The following MGAT5B variants were observed in gnomAD, a reference collection of about 807,000 sequenced individuals.
The protein encoded by MGAT5B is N-acetylglucosaminyl-transferase Vb.
In MGAT5B, 54 loss-of-function variants were observed where a neutral mutation model predicts 95.1. The observed-to-expected ratio is 0.57, with a 90% CI of 0.46 to 0.71. The LOEUF is 0.71. Ranked by LOEUF, MGAT5B falls within the 30% of genes least tolerant of loss-of-function variation. The pLI, the probability that MGAT5B is intolerant of heterozygous loss-of-function variation, is 0.00. For synonymous variants in MGAT5B, 464 were observed against 451.0 expected (o/e 1.03, Z -0.36); for missense variants, 935 against 1,088.6 (o/e 0.86, Z 1.99).
chr17:76,936,078 G>C (rs1969659000), intron 12 of MGAT5B, among the ~76,000 whole-genome samples: 1 of 151,250 alleles, frequency 6.6e-6, no homozygotes, highest in Admixed American at 6.6e-5. Context: ...TGGGTTACAG[G>C]CATGAGCCAC....
At chr17:76,873,021 G>GGAA in intron 2 of MGAT5B, 58 bp downstream of exon 2, 6 of 1,584,022 alleles carry the variant, frequency 3.8e-6, no homozygotes, top group Non-Finnish European at 4.3e-6. Context: ...GGGTCAAAGA[G>GGAA]GAAGTGCCTC....
In MGAT5B at chr17:76,933,301, T is replaced by C; in HGVS notation, c.1428+4T>C. ...CCTGGCCACGAGGCAGCTCCAGGTA[T>C]GGAAACCGCTTGCCGCCTGCCCCCT... On this transcript the variant is annotated splice_donor_region_variant and intron_variant, in intron 12 of 17. Transcript: ENST00000569840. The C allele has an allele frequency of 2.5e-6, 4 of 1,598,328 alleles. No individual in the cohort carries two copies. Among genetic ancestry groups the C allele is most frequent in the Non-Finnish European group, 3.4e-6 (4 of 1,179,744 alleles).
intron 2 of MGAT5B, among the ~76,000 whole-genome samples, chr17:76,881,465 AG>A (rs1285270090): frequency 6.6e-6 from 1 of 152,168 alleles, no homozygotes; most frequent in African/African-American, 2.4e-5. Flanking sequence ...AGATGGAGTT[AG>A]GGCCCAGAGG....
At chr17:76,933,500 A>AG (rs1969560944) in intron 12 of MGAT5B, among the ~76,000 whole-genome samples, 1 of 152,144 alleles carries the variant, frequency 6.6e-6, no homozygotes, top group African/African-American at 2.4e-5. Context: ...CCTCTGTCAC[A>AG]GGGAGGCAAG....
rs525503 is a variant in MGAT5B at position 76,906,993 on chromosome 17, A to G, written c.1025+806A>G. Among the ~76,000 whole-genome samples the G allele has an allele frequency of 0.14, 20,535 of 151,706 alleles. 1,814 individuals are homozygous for G. Among genetic ancestry groups the G allele is most frequent in the African/African-American group, 0.22 (9,214 of 41,304 alleles). ...CTGGGTTTGCCTGAGAGTGTCTGCC[A>G]ATCTCTCTGCCTCCTCCCCAGATGA... On this transcript the variant is annotated intron_variant, in intron 8 of 17. Coordinates refer to ENST00000569840, the MANE Select transcript of MGAT5B (RefSeq NM_001199172.2). This position sits in a 1 kb window ranked among gnomAD's most constrained non-coding sequence, Gnocchi z 4.6.
intron 3 of MGAT5B, among the ~76,000 whole-genome samples, chr17:76,897,466 A>G (rs1307648256): frequency 6.6e-6 from 1 of 152,136 alleles, no homozygotes; most frequent in Admixed American, 6.5e-5. Context: ...GGATGCTGGC[A>G]GTGCCTGGCC....
At chr17:76,878,536 G>A (rs756317949) in intron 2 of MGAT5B, among the ~76,000 whole-genome samples, 2 of 152,260 alleles carry the variant, frequency 1.3e-5, no homozygotes, top group East Asian at 1.9e-4. Flanking sequence ...GTGCAGTGGT[G>A]CAATCGTGGC....
intron 3 of MGAT5B, among the ~76,000 whole-genome samples, chr17:76,888,063 T>G (rs1393808099): frequency 6.6e-6 from 1 of 152,046 alleles, no homozygotes; most frequent in Non-Finnish European, 1.5e-5. Flanking sequence ...CCCGGGCAGG[T>G]GGTAATGACA....
At chr17:76,872,786 G>C (rs536281438) in intron 1 of MGAT5B, 65 bp from the exon 2 acceptor site, 3 of 1,613,796 alleles carry the variant, frequency 1.9e-6, no homozygotes, top group East Asian at 2.2e-5. Context: ...CAGCCGGTAC[G>C]TGGTGGAGCG....
At chr17:76,921,652 G>A (rs1969128325) in intron 8 of MGAT5B, among the ~76,000 whole-genome samples, 1 of 152,224 alleles carries the variant, frequency 6.6e-6, no homozygotes, top group Non-Finnish European at 1.5e-5. Context: ...GGCGCAGGGT[G>A]TGGTGCAGGG....
Position 76,943,161 on chromosome 17 carries a change from C to T in MGAT5B, c.1848+2313C>T, listed in dbSNP as rs118087641. Among the ~76,000 whole-genome samples, 620 of 151,156 alleles carry T rather than the reference C, an allele frequency of 4.1e-3. 4 individuals are homozygous for T. Among genetic ancestry groups the T allele is most frequent in the Admixed American group, 7.9e-3 (120 of 15,210 alleles). Reference sequence around the variant, plus strand: ...AACTGGGGGAAGGACTGACTGTCTGCGGTGAGAGGAAACTTCCCTTTCATT... The same window carrying T: ...AACTGGGGGAAGGACTGACTGTCTGTGGTGAGAGGAAACTTCCCTTTCATT... On this transcript the variant is annotated intron_variant, in intron 15 of 17. Transcript: ENST00000569840.
chr17:76,902,392 C>T (rs996015090), intron 3 of MGAT5B, among the ~76,000 whole-genome samples, 163 bp from the exon 4 acceptor site: 65 of 152,280 alleles, frequency 4.3e-4, no homozygotes, highest in African/African-American at 1.5e-3. Context: ...TCCATCTTCT[C>T]ACCCGATTCA....
intron 3 of MGAT5B, among the ~76,000 whole-genome samples, chr17:76,899,807 A>G (rs1473770658): frequency 6.6e-6 from 1 of 151,814 alleles, no homozygotes; most frequent in African/African-American, 2.4e-5. Flanking sequence ...TCTTGGAGGG[A>G]ACCCAGGCAT....
At chr17:76,907,074 G>A (rs1249858271) in intron 8 of MGAT5B, among the ~76,000 whole-genome samples, 1 of 148,544 alleles carries the variant, frequency 6.7e-6, no homozygotes, top group African/African-American at 2.5e-5. Flanking sequence ...TTTTTTTAAT[G>A]GAGTTTCTCT....
chr17:76,885,601 G>A (rs180957672), intron 3 of MGAT5B, among the ~76,000 whole-genome samples: 1 of 152,164 alleles, frequency 6.6e-6, no homozygotes, highest in Non-Finnish European at 1.5e-5. Flanking sequence ...GAACTTGTAG[G>A]GGGAGGGGGA....
rs547158669 is a variant in MGAT5B at position 76,875,653 on chromosome 17, C to CTTTTTTTTTTT, written c.181+2705_181+2715dup. 7.2e-4 allele frequency among the ~76,000 whole-genome samples: 48 copies of CTTTTTTTTTTT among 67,100 alleles called. 2 individuals carry two copies. Among genetic ancestry groups the CTTTTTTTTTTT allele is most frequent in the East Asian group, 1.7e-3 (4 of 2,382 alleles). The allele number at this position is 67,100 out of a possible 152,430, so 44.0% of individuals were successfully genotyped here. On this transcript the variant is annotated intron_variant, in intron 2 of 17. Transcript: ENST00000569840. Reference sequence around the variant, plus strand: ...TTGTATGCGGTTGTAGTCACTTGCACTTTTTTTTTTTTTTTTTTTTTTTTT... The same window carrying CTTTTTTTTTTT: ...TTGTATGCGGTTGTAGTCACTTGCACTTTTTTTTTTTTTTTTTTTTTTTTTTTTTTTTTTTT...
rs1968910948 is a variant in MGAT5B, at chr17:76,915,800, T to C, written c.1026-9166T>C. Among the ~76,000 whole-genome samples, 1 of 152,156 alleles carries C rather than the reference T, an allele frequency of 6.6e-6. No homozygotes were observed. Among genetic ancestry groups the C allele is most frequent in the South Asian group, 2.1e-4 (1 of 4,824 alleles). ...CCCCGGCCCCTCTCCTGTCTCCTTT[T>C]TCCTTCCCCTTCCTTCAGTTTCAAG... On this transcript the variant is annotated intron_variant, in intron 8 of 17. Transcript: ENST00000569840. This position sits in a 1 kb window ranked among gnomAD's most constrained non-coding sequence, Gnocchi z 8.7.
intron 3 of MGAT5B, among the ~76,000 whole-genome samples, chr17:76,886,297 T>C (rs1034779249): frequency 1.3e-5 from 2 of 152,188 alleles, no homozygotes; most frequent in Non-Finnish European, 2.9e-5. Flanking sequence ...TTCCACTGCA[T>C]GCCCGGTGCC....
At position 76,902,685 on chromosome 17, in the gene MGAT5B, G is replaced by GC; in HGVS notation, c.445+16dup. On this transcript the variant is annotated intron_variant, in intron 4 of 17. Coordinates refer to ENST00000569840, the MANE Select transcript of MGAT5B (RefSeq NM_001199172.2). Reference sequence around the variant, plus strand: ...GCACAGCAAGGGTGGGTGCCAGGGGGCGGGGGTACCCTCTACCCCTAGGGG... The same window carrying GC: ...GCACAGCAAGGGTGGGTGCCAGGGGGCCGGGGGTACCCTCTACCCCTAGGGG... 1 of 1,551,254 alleles carries GC rather than the reference G, an allele frequency of 6.4e-7. No homozygotes were observed. Among genetic ancestry groups the GC allele is most frequent in the Non-Finnish European group, 8.8e-7 (1 of 1,142,288 alleles).
Sources: gnomAD v4.1 joint callset for allele counts (sites outside exome capture counted in the v4.1 genomes callset) on GRCh38, gnomAD v4.1.1 for gene constraint, Gnocchi (gnomAD v3.1) non-coding constraint, MANE v1.5 for transcripts, NCBI Gene and HGNC (gene_info 2026-07-23, HGNC 2026-07-21) for gene names.